Variants in ESCO2 observed in about 807,000 individuals in gnomAD.
ESCO2 encodes the protein N-acetyltransferase ESCO2.
In ESCO2, 51 loss-of-function variants were observed where a neutral mutation model predicts 61.7. The observed-to-expected ratio is 0.83, with a 90% CI of 0.66 to 1.04. The LOEUF (loss-of-function observed/expected upper bound fraction) is 1.04. Among genes scored for constraint, ESCO2 ranks in the 50% least tolerant of loss-of-function variants. ESCO2 has a pLI of 0.00. For synonymous variants in ESCO2, 230 were observed against 238.2 expected (o/e 0.97, Z 0.32); for missense variants, 692 against 686.2 (o/e 1.01, Z -0.09).
chr8:27,811,225 G>T, downstream of ESCO2: 1 of 1,044,414 alleles, frequency 9.6e-7, no homozygotes. Flanking sequence ...ATTTGAACAA[G>T]TAGTTCACAG....
rs768833011 is a variant in ESCO2, at chr8:27,804,447, A to G, written c.*1009A>G. ...CCTGGCAAAAGTCTTTACAAAATGT[A>G]TGGTAATAGAACCAAGGTTAGTAAA... On this transcript the variant is annotated 3_prime_UTR_variant, in exon 11 of 11. Transcript: ENST00000305188. 1 of 985,448 alleles carries G rather than the reference A, an allele frequency of 1.0e-6. No individual in the cohort carries two copies. The highest frequency in any genetic ancestry group is 1.2e-6 in the Non-Finnish European group (1 of 829,922). The allele number at this position is 985,448 out of a possible 1,614,324, so 61.0% of individuals were successfully genotyped here. A position where few individuals can be genotyped will look rare whatever the true frequency, so the allele number is the denominator to read the frequency against.
At chr8:27,797,158 C>T (rs1261416445) in intron 9 of ESCO2, among the ~76,000 whole-genome samples, 2 of 152,034 alleles carry the variant, frequency 1.3e-5, no homozygotes, top group African/African-American at 2.4e-5. Flanking sequence ...TCTGTCTGGA[C>T]GATGTATCCA....
chr8:27,815,399 G>C (rs564469841), downstream of ESCO2, among the ~76,000 whole-genome samples: 6 of 152,294 alleles, frequency 3.9e-5, no homozygotes, highest in Admixed American at 1.3e-4. Flanking sequence ...CTCTATGGTA[G>C]CCTTTGTACT....
chr8:27,784,097 T>G (rs764629364), intron 5 of ESCO2, 40 bp downstream of exon 5: 2 of 1,580,404 alleles, frequency 1.3e-6, no homozygotes, highest in Non-Finnish European at 1.7e-6. Flanking sequence ...GCCTTGTAAA[T>G]TATACAGTTC....
At chr8:27,800,264 T>C (rs1296453197) in intron 10 of ESCO2, among the ~76,000 whole-genome samples, 1 of 152,160 alleles carries the variant, frequency 6.6e-6, no homozygotes, top group Non-Finnish European at 1.5e-5. Flanking sequence ...CTAATACCCA[T>C]AAAATAATTC....
Position 27,777,303 on chromosome 8 carries a change from GTTTA to G in ESCO2, c.861+150_861+153del, listed in dbSNP as rs764324168. On this transcript the variant is annotated intron_variant, in intron 3 of 10. Coordinates refer to ENST00000305188, the MANE Select transcript of ESCO2 (RefSeq NM_001017420.3). ...GCATAGTGTTTAGTTACTGTAAGGA[GTTTA>G]TTTATTTATTTATTTTAAGACAGGG... 3.1e-4 allele frequency: 257 copies of G among 823,292 alleles called. 1 individual carries two copies. Among genetic ancestry groups the G allele is most frequent in the South Asian group, 6.8e-4 (36 of 52,610 alleles). 51.0% of individuals were successfully genotyped at this position (823,292 alleles called of 1,614,324 possible).
downstream of ESCO2, chr8:27,811,019 C>T (rs961686545): frequency 1.9e-6 from 3 of 1,613,028 alleles, no homozygotes; most frequent in Non-Finnish European, 2.5e-6. Flanking sequence ...TCATTTCCCA[C>T]AAAGTAAGGC....
chr8:27,780,171 C>T lies in ESCO2; in HGVS notation c.862-3C>T. ...TTGGTTTTTTTTTTAAACCTATTTTCAGGATTCATCAGATGACAGAGTTTC... is the reference window on the plus strand; with the variant it reads ...TTGGTTTTTTTTTTAAACCTATTTTTAGGATTCATCAGATGACAGAGTTTC... On this transcript the variant is annotated splice_region_variant and splice_polypyrimidine_tract_variant and intron_variant, in intron 3 of 10. Coordinates refer to ENST00000305188, the MANE Select transcript of ESCO2 (RefSeq NM_001017420.3). 1 of 1,580,092 alleles carries T rather than the reference C, an allele frequency of 6.3e-7. No individual in the cohort carries two copies. Among genetic ancestry groups the T allele is most frequent in the South Asian group, 1.1e-5 (1 of 88,598 alleles).
At position 27,803,789 on chromosome 8, in the gene ESCO2, CT is replaced by C; in HGVS notation, c.*355del. ...TTTTTCTCTAGAAATGTGACCTGGT[CT>C]TTTATAAAGCCCACTCTTAGACCAG... On this transcript the variant is annotated 3_prime_UTR_variant, in exon 11 of 11. Transcript: ENST00000305188. 4.8e-6 allele frequency: 5 copies of C among 1,034,858 alleles called. No homozygotes were observed. The South Asian group carries it at 1.8e-4, about 38-fold the overall frequency. The allele number at this position is 1,034,858 out of a possible 1,614,324, so 64.1% of individuals were successfully genotyped here.
chr8:27,797,383 G>A (rs1473149236), intron 9 of ESCO2, among the ~76,000 whole-genome samples: 6 of 152,118 alleles, frequency 3.9e-5, no homozygotes, highest in African/African-American at 9.7e-5. Flanking sequence ...TATGATGTAA[G>A]TGTAGGTACT....
intron 5 of ESCO2, among the ~76,000 whole-genome samples, chr8:27,787,088 G>A (rs1805063509): frequency 6.6e-6 from 1 of 152,014 alleles, no homozygotes; most frequent in Admixed American, 6.6e-5. Flanking sequence ...TAGAGGTTTA[G>A]TGATCTTACA....
In ESCO2 at chr8:27,776,530, C is replaced by G. The variant is rs1256764677; in HGVS notation, c.222C>G (p.Gly74=). Residue 74 remains glycine, a synonymous_variant, in exon 3 of 11, where the codon GGC becomes GGG. Coordinates refer to ENST00000305188, the MANE Select transcript of ESCO2 (RefSeq NM_001017420.3). ...ATAGACTGCCATCAGCAAATCAAGGCTCACCATTTAAATCTGCGCTCTCCA... is the reference window on the plus strand; with the variant it reads ...ATAGACTGCCATCAGCAAATCAAGGGTCACCATTTAAATCTGCGCTCTCCA... ...EINRLPSANQ[G]SPFKSALSTV... is the part of the protein sequence containing the mutation. 5 of 1,613,956 alleles carry G rather than the reference C, an allele frequency of 3.1e-6. No individual in the cohort carries two copies. Among genetic ancestry groups the G allele is most frequent in the Non-Finnish European group, 4.2e-6 (5 of 1,180,010 alleles).
downstream of ESCO2, among the ~76,000 whole-genome samples, chr8:27,808,502 T>C (rs938816405): frequency 1.8e-4 from 27 of 150,102 alleles, no homozygotes; most frequent in Admixed American, 1.8e-3. Context: ...GGTAAAACCC[T>C]GTCTCTACAA....
chr8:27,808,166 C>T, downstream of ESCO2: 1 of 1,054,912 alleles, frequency 9.5e-7, no homozygotes, highest in Non-Finnish European at 1.2e-6. Context: ...AGTTTAAAAT[C>T]CTTTCTAATT....
At chr8:27,819,167 TTTGA>T in the ESCO2 span, among the ~76,000 whole-genome samples, 6 of 152,154 alleles carry the variant, frequency 3.9e-5, no homozygotes, top group Admixed American at 2.6e-4. Context: ...CCCAGCCATG[TTTGA>T]TTGAACATGT....
In ESCO2 at chr8:27,803,617, A is replaced by G; in HGVS notation, c.*179A>G. ...TTCCTTATGAGTTGAAAAGTCAGGA[A>G]TAAATTTGTTGAAAATTATCTGGGG... On this transcript the variant is annotated 3_prime_UTR_variant, in exon 11 of 11. Coordinates refer to ENST00000305188, the MANE Select transcript of ESCO2 (RefSeq NM_001017420.3). 7.3e-7 allele frequency: 1 copy of G among 1,374,784 alleles called. No individual in the cohort carries two copies. The highest frequency in any genetic ancestry group is 1.5e-5 in the African/African-American group (1 of 67,806). The allele number at this position is 1,374,784 out of a possible 1,614,324, so 85.2% of individuals were successfully genotyped here.
At chr8:27,793,838 C>T (rs1295568756) in intron 9 of ESCO2, among the ~76,000 whole-genome samples, 5 of 152,158 alleles carry the variant, frequency 3.3e-5, no homozygotes. Flanking sequence ...AATAGATCTG[C>T]AGAACTTACT....
At position 27,785,528 on chromosome 8, in the gene ESCO2, C is replaced by A. The variant is rs7018259; in HGVS notation, c.1013+1471C>A. 4.7e-3 allele frequency among the ~76,000 whole-genome samples: 717 copies of A among 152,070 alleles called. 7 individuals are homozygous for A. Among genetic ancestry groups the A allele is most frequent in the African/African-American group, 0.017 (689 of 41,466 alleles). ...ACTAGCCTGGCCAACATGGGGAAACCGTCTTTCCAAAAAATACAGAAATTA... is the reference window on the plus strand; with the variant it reads ...ACTAGCCTGGCCAACATGGGGAAACAGTCTTTCCAAAAAATACAGAAATTA... On this transcript the variant is annotated intron_variant, in intron 5 of 10. Coordinates refer to ENST00000305188, the MANE Select transcript of ESCO2 (RefSeq NM_001017420.3).
In ESCO2 at chr8:27,794,659, G is replaced by A. The variant is rs115470400; in HGVS notation, c.1497+1848G>A. ...TAGCCAAAAAATTATTGCCCAGACCGATGTCAAGCTTTTTTCTCATTTTTT... is the reference window on the plus strand; with the variant it reads ...TAGCCAAAAAATTATTGCCCAGACCAATGTCAAGCTTTTTTCTCATTTTTT... On this transcript the variant is annotated intron_variant, in intron 9 of 10. Coordinates refer to ENST00000305188, the MANE Select transcript of ESCO2 (RefSeq NM_001017420.3). Among the ~76,000 whole-genome samples, 1,452 of 152,208 alleles carry A rather than the reference G, an allele frequency of 9.5e-3. 26 individuals are homozygous for A. The highest frequency in any genetic ancestry group is 0.032 in the African/African-American group (1,348 of 41,544).
Sources: gnomAD v4.1 joint callset for allele counts (sites outside exome capture counted in the v4.1 genomes callset) on GRCh38, gnomAD v4.1.1 for gene constraint, MANE v1.5 for transcripts, NCBI Gene and HGNC (gene_info 2026-07-23, HGNC 2026-07-21) for gene names.